The following AKAP14 variants were observed in gnomAD, a reference collection of about 807,000 sequenced individuals.
AKAP14 encodes the protein A-kinase anchoring protein 14, also known as A-kinase anchor protein 14.
A neutral mutation model predicts 17.0 loss-of-function variants in AKAP14; 4 were observed. The observed-to-expected ratio is 0.23, with a 90% CI of 0.12 to 0.54. The LOEUF (loss-of-function observed/expected upper bound fraction) is 0.54. Ranked by LOEUF, AKAP14 falls within the 20% of genes least tolerant of loss-of-function variation. The pLI, the probability that AKAP14 is intolerant of heterozygous loss-of-function variation, is 0.95. For missense variants in AKAP14, 129 were observed against 150.9 expected (o/e 0.85, Z 0.76); for synonymous variants, 42 against 51.3 (o/e 0.82, Z 0.77).
At chrX:119,904,842 C>T (rs2056588214) in intron 4 of AKAP14, among the ~76,000 whole-genome samples, 1 of 110,467 alleles carries the variant, frequency 9.1e-6, no homozygotes, top group African/African-American at 3.3e-5. Context: ...GAGATTACAC[C>T]ACTGCATTCT....
chrX:119,916,980 C>T (rs1437162878), intron 5 of AKAP14, among the ~76,000 whole-genome samples: 1 of 103,430 alleles, frequency 9.7e-6, no homozygotes, highest in Non-Finnish European at 2.0e-5. Context: ...GTGGCGCATG[C>T]CTGTAATCCC....
At chrX:119,918,461 A>C (rs1382749710) in intron 5 of AKAP14, among the ~76,000 whole-genome samples, 1 of 111,319 alleles carries the variant, frequency 9.0e-6, no homozygotes, top group East Asian at 2.8e-4. Flanking sequence ...GGAACTCCTG[A>C]CCTGAGGTGG....
At chrX:119,904,661 G>T (rs992952254) in intron 4 of AKAP14, among the ~76,000 whole-genome samples, 1 of 111,779 alleles carries the variant, frequency 8.9e-6, no homozygotes, top group African/African-American at 3.2e-5. Flanking sequence ...GAAGTGGGCA[G>T]ATCACAAGGT....
intron 5 of AKAP14, among the ~76,000 whole-genome samples, chrX:119,916,433 A>AATCTATCTATCT (rs66480348): frequency 1.1e-4 from 11 of 99,132 alleles, no homozygotes; most frequent in Non-Finnish European, 1.6e-4. Flanking sequence ...CTGCCTATCT[A>AATCTATCTATCT]ATCTATCTAT....
intron 2 of AKAP14, among the ~76,000 whole-genome samples, 164 bp downstream of exon 2, chrX:119,896,431 G>T (rs1264245860): frequency 1.0e-5 from 1 of 96,135 alleles, no homozygotes; most frequent in African/African-American, 3.8e-5. Context: ...GAGGGGAGGG[G>T]AGGGGAGGAC....
intron 4 of AKAP14, among the ~76,000 whole-genome samples, chrX:119,910,755 C>T (rs191215480): frequency 5.5e-4 from 61 of 110,474 alleles, no homozygotes; most frequent in Middle Eastern, 4.7e-3. Flanking sequence ...CTCCGCCTCC[C>T]GGGTTCAAAC....
At chrX:119,909,986 T>C (rs1475359003) in intron 4 of AKAP14, among the ~76,000 whole-genome samples, 1 of 110,129 alleles carries the variant, frequency 9.1e-6, no homozygotes. Flanking sequence ...AGGGAGACTG[T>C]CATCTCTACA....
chrX:119,908,060 C>A lies in AKAP14; in HGVS notation c.261+4474C>A, dbSNP rs750137918. ...CAGCACTTTGGGAGGGCGAGGCGGG[C>A]GGATCACTTGAGGTCTGGAGTTTGA... On this transcript the variant is annotated intron_variant, in intron 4 of 6. Coordinates refer to ENST00000371431, the MANE Select transcript of AKAP14 (RefSeq NM_178813.6). Among the ~76,000 whole-genome samples the A allele has an allele frequency of 6.3e-5, 7 of 110,601 alleles. No homozygotes were observed. In the East Asian group the frequency reaches 2.0e-3, roughly 32 times the overall value.
chrX:119,916,879 G>A (rs1182378649), intron 5 of AKAP14, among the ~76,000 whole-genome samples: 18 of 101,132 alleles, frequency 1.8e-4, no homozygotes, highest in Non-Finnish European at 2.4e-4. Flanking sequence ...AGGCTTACGC[G>A]GGCAGATCAT....
At chrX:119,909,491 G>T (rs769295655) in intron 4 of AKAP14, among the ~76,000 whole-genome samples, 2 of 105,249 alleles carry the variant, frequency 1.9e-5, no homozygotes, top group South Asian at 4.3e-4. Flanking sequence ...AAACGCCACT[G>T]TACTCAAGCC....
chrX:119,918,010 C>T (rs2056668722), intron 5 of AKAP14, among the ~76,000 whole-genome samples: 1 of 111,417 alleles, frequency 9.0e-6, no homozygotes, highest in Non-Finnish European at 1.9e-5. Context: ...CCCACTACTC[C>T]TTCCCTCTCA....
At chrX:119,901,925 C>T (rs1159193431) in intron 2 of AKAP14, among the ~76,000 whole-genome samples, 1 of 105,061 alleles carries the variant, frequency 9.5e-6, no homozygotes, top group Non-Finnish European at 1.9e-5. Context: ...AGGAGAATCA[C>T]TTGAACCTGG....
At chrX:119,911,706 CTTG>C (rs1348362666) in intron 4 of AKAP14, among the ~76,000 whole-genome samples, 15 of 109,564 alleles carry the variant, frequency 1.4e-4, no homozygotes, top group Non-Finnish European at 2.7e-4. Flanking sequence ...TGACATGAAA[CTTG>C]TTTTTTTTTT....
rs1436997944 is a variant in AKAP14, at chrX:119,895,988, G to T, written c.-124+1G>T. ...TCATCTTCGGCTGAAGAGAAGCTAG[G>T]TATAGCTACTACAGTTTGGTCCTAT... On this transcript the variant is annotated splice_donor_variant, in intron 1 of 6. Coordinates refer to ENST00000371431, the MANE Select transcript of AKAP14 (RefSeq NM_178813.6). LOFTEE classifies it low-confidence loss of function (5UTR_SPLICE). 1 of 111,398 alleles carries T rather than the reference G, an allele frequency of 9.0e-6. No homozygotes were observed. Among genetic ancestry groups the T allele is most frequent in the African/African-American group, 3.3e-5 (1 of 30,686 alleles). 9.2% of individuals were successfully genotyped at this position (111,398 alleles called of 1,213,427 possible).
intron 6 of AKAP14, 77 bp downstream of exon 6, chrX:119,920,040 A>C: frequency 9.8e-7 from 1 of 1,017,674 alleles, no homozygotes; most frequent in Non-Finnish European, 1.4e-6. Context: ...CAGTTGCGCA[A>C]CAACAGATAG....
chrX:119,914,153 G>A (rs962164206), intron 4 of AKAP14, among the ~76,000 whole-genome samples: 21 of 105,906 alleles, frequency 2.0e-4, no homozygotes, highest in African/African-American at 7.2e-4. Flanking sequence ...CAGGAGAATC[G>A]CTTGAATCTG....
At chrX:119,918,390 C>T (rs2056670895) in intron 5 of AKAP14, among the ~76,000 whole-genome samples, 1 of 111,544 alleles carries the variant, frequency 9.0e-6, no homozygotes, top group Non-Finnish European at 1.9e-5. Context: ...TGCCACCACA[C>T]CCAGCTAATT....
chrX:119,896,727 G>A (rs112605395), intron 2 of AKAP14, among the ~76,000 whole-genome samples: 1 of 111,175 alleles, frequency 9.0e-6, no homozygotes, highest in African/African-American at 3.3e-5. Flanking sequence ...ACTTCTCATC[G>A]ATTTATCAAT....
At chrX:119,917,639 G>A (rs929443264) in intron 5 of AKAP14, among the ~76,000 whole-genome samples, 1 of 109,653 alleles carries the variant, frequency 9.1e-6, no homozygotes. Context: ...ATATAGCCGG[G>A]TCTGGTGGCT....
Sources: allele counts gnomAD v4.1 joint callset (sites outside exome capture counted in the v4.1 genomes callset), GRCh38; gene constraint gnomAD v4.1.1; transcripts MANE v1.5; gene names NCBI Gene and HGNC (gene_info 2026-07-23, HGNC 2026-07-21).